The following RBBP4 variants were observed in gnomAD, a reference collection of about 807,000 sequenced individuals.
RBBP4 encodes the protein histone-binding protein RBBP4.
Under a neutral mutation model 57.2 loss-of-function variants are expected in RBBP4, and 3 were observed. The ratio of observed to expected loss-of-function variants is 0.05; its 90% CI spans 0.02 to 0.14. The LOEUF is 0.14. Among genes scored for constraint, RBBP4 ranks in the 10% least tolerant of loss-of-function variants. RBBP4 has a pLI of 1.00. For missense variants in RBBP4, 107 were observed against 520.6 expected, an observed-to-expected ratio of 0.21 and a Z score of 7.73; for synonymous variants, 151 against 171.5, an observed-to-expected ratio of 0.88 and a Z score of 0.93.
intron 2 of RBBP4, 146 bp downstream of exon 2, chr1:32,652,207 G>A (rs1647782720): frequency 1.1e-6 from 1 of 934,850 alleles, no homozygotes; most frequent in Non-Finnish European, 1.6e-6. Context: ...ACAAAGTAAG[G>A]CAAAATAACA....
intron 3 of RBBP4, among the ~76,000 whole-genome samples, chr1:32,663,264 G>A (rs1648500689): frequency 1.3e-5 from 2 of 152,038 alleles, no homozygotes; most frequent in South Asian, 2.1e-4. Flanking sequence ...AAGCTACGAC[G>A]ATTTGTGCAC....
At chr1:32,657,237 C>G (rs1648183845) in intron 2 of RBBP4, among the ~76,000 whole-genome samples, 190 bp from the exon 3 acceptor site, 1 of 152,140 alleles carries the variant, frequency 6.6e-6, no homozygotes, top group African/African-American at 2.4e-5. Context: ...GATCGCACCA[C>G]TCCATTCTAG....
chr1:32,651,518 G>A (rs996740113), intron 1 of RBBP4, 196 bp downstream of exon 1: 27 of 1,333,092 alleles, frequency 2.0e-5, no homozygotes, highest in Middle Eastern at 2.8e-4. Context: ...CGCAGCTGGC[G>A]AAGCCAGCGG....
intron 11 of RBBP4, among the ~76,000 whole-genome samples, chr1:32,675,453 A>C (rs1395975934): frequency 6.6e-6 from 1 of 151,766 alleles, no homozygotes; most frequent in Admixed American, 6.6e-5. Context: ...CACAACATTC[A>C]TACTTTGTAA....
intron 3 of RBBP4, among the ~76,000 whole-genome samples, chr1:32,664,750 C>T (rs936106045): frequency 2.0e-5 from 3 of 152,042 alleles, no homozygotes; most frequent in Non-Finnish European, 4.4e-5. Flanking sequence ...CGTGCCCAGC[C>T]ACTTTTTTGG....
chr1:32,667,142 C>G (rs1648688978), intron 3 of RBBP4, among the ~76,000 whole-genome samples: 1 of 152,226 alleles, frequency 6.6e-6, no homozygotes, highest in Non-Finnish European at 1.5e-5. Flanking sequence ...ATTATCCAGG[C>G]CTGCCCACAG....
At position 32,681,963 on chromosome 1, in the gene RBBP4, A is replaced by G; in HGVS notation, c.*2258A>G. ...GTTACAGTGTGATTTATGGATGATC[A>G]GGGATGACTTTCCCCTAGCAAATAT... On this transcript the variant is annotated 3_prime_UTR_variant, in exon 12 of 12. Coordinates refer to ENST00000373493, the MANE Select transcript of RBBP4 (RefSeq NM_005610.3). 1 of 1,052,914 alleles carries G rather than the reference A, an allele frequency of 9.5e-7. No homozygotes were observed. Among genetic ancestry groups the G allele is most frequent in the Non-Finnish European group, 1.5e-6 (1 of 689,160 alleles). The allele number at this position is 1,052,914 out of a possible 1,614,324, so 65.2% of individuals were successfully genotyped here.
rs965361639 is a variant in RBBP4 at position 32,682,504 on chromosome 1, G to A, written c.*2799G>A. ...TAGTTACTTGTGGGCCAGGCGCGGT[G>A]GTTCACGCCTGTAATCCCAGCACTT... On this transcript the variant is annotated 3_prime_UTR_variant, in exon 12 of 12. Transcript: ENST00000373493. 1.3e-5 allele frequency: 2 copies of A among 152,232 alleles called. No homozygotes were observed. Among genetic ancestry groups the A allele is most frequent in the Non-Finnish European group, 2.9e-5 (2 of 68,068 alleles). 9.4% of individuals were successfully genotyped at this position (152,232 alleles called of 1,614,324 possible).
chr1:32,661,760 CTG>C (rs1030298682), intron 3 of RBBP4, among the ~76,000 whole-genome samples: 34 of 143,614 alleles, frequency 2.4e-4, no homozygotes, highest in African/African-American at 8.7e-4. Context: ...AGGCATCTAT[CTG>C]TTTTGATTTG....
chr1:32,656,044 G>A (rs751223949), intron 2 of RBBP4, among the ~76,000 whole-genome samples: 12 of 152,122 alleles, frequency 7.9e-5, no homozygotes, highest in South Asian at 2.1e-4. Context: ...GCCTTAAGAC[G>A]GCATTCAGAA....
At chr1:32,663,272 C>T (rs1412596811) in intron 3 of RBBP4, among the ~76,000 whole-genome samples, 1 of 152,112 alleles carries the variant, frequency 6.6e-6, no homozygotes. Context: ...ACGATTTGTG[C>T]ACCTTTACTA....
chr1:32,661,573 C>T (rs557811266), intron 3 of RBBP4, among the ~76,000 whole-genome samples: 73 of 152,072 alleles, frequency 4.8e-4, no homozygotes, highest in Non-Finnish European at 7.9e-4. Context: ...GGATTACAGG[C>T]GTGACCACCA....
intron 11 of RBBP4, among the ~76,000 whole-genome samples, chr1:32,676,288 T>A (rs1368265408): frequency 6.6e-6 from 1 of 152,120 alleles, no homozygotes; most frequent in African/African-American, 2.4e-5. Context: ...ATTAAAATTT[T>A]GTGTATCTAG....
intron 2 of RBBP4, among the ~76,000 whole-genome samples, chr1:32,655,283 T>C (rs1648088516): frequency 6.6e-6 from 1 of 152,184 alleles, no homozygotes; most frequent in South Asian, 2.1e-4. Flanking sequence ...GGCCCTGTTT[T>C]TGTTTTTTAA....
Position 32,680,296 on chromosome 1 carries a change from T to C in RBBP4, c.*591T>C. 7.8e-7 allele frequency: 1 copy of C among 1,284,772 alleles called. No homozygotes were observed. The highest frequency in any genetic ancestry group is 3.0e-4 in the Middle Eastern group (1 of 3,328). 79.6% of individuals were successfully genotyped at this position (1,284,772 alleles called of 1,614,324 possible). Reference sequence around the variant, plus strand: ...TATTTTTGCTCGTTAGTGTATTTCTTGAGCTGTTTTCATGTTGTTTATTTC... The same window carrying C: ...TATTTTTGCTCGTTAGTGTATTTCTCGAGCTGTTTTCATGTTGTTTATTTC... On this transcript the variant is annotated 3_prime_UTR_variant, in exon 12 of 12. Transcript: ENST00000373493.
At chr1:32,677,841 C>A (rs1346757645) in intron 11 of RBBP4, among the ~76,000 whole-genome samples, 3 of 152,160 alleles carry the variant, frequency 2.0e-5, no homozygotes. Flanking sequence ...GAAGGTAAGA[C>A]TATCCTGTCC....
intron 1 of RBBP4, 161 bp downstream of exon 1, chr1:32,651,483 C>T (rs1391033656): frequency 6.6e-6 from 9 of 1,364,894 alleles, no homozygotes; most frequent in East Asian, 5.7e-5. Context: ...TAACGGCTCG[C>T]CAGTTCCCTG....
rs890025680 is a variant in RBBP4, at chr1:32,651,209, G to C, written c.-98G>C. On this transcript the variant is annotated 5_prime_UTR_variant, in exon 1 of 12. Coordinates refer to ENST00000373493, the MANE Select transcript of RBBP4 (RefSeq NM_005610.3). The stretch of plus-strand genomic sequence containing the variant: ...GTCAGCCCTCGCGCTGGGGGCGCAG[G>C]AAACAATAGAGGCCGCGCGCACAGA... 88 of 1,467,420 alleles carry C rather than the reference G, an allele frequency of 6.0e-5. No individual in the cohort carries two copies. The highest frequency in any genetic ancestry group is 7.8e-5 in the Non-Finnish European group (86 of 1,100,962). The allele number at this position is 1,467,420 out of a possible 1,614,324, so 90.9% of individuals were successfully genotyped here. A position where few individuals can be genotyped will look rare whatever the true frequency, so the allele number is the denominator to read the frequency against.
intron 3 of RBBP4, among the ~76,000 whole-genome samples, chr1:32,657,955 C>T (rs1389688458): frequency 1.3e-5 from 2 of 152,106 alleles, no homozygotes; most frequent in African/African-American, 4.8e-5. Context: ...CGGGTTCAAG[C>T]GATTCTTCTG....
Sources: allele counts gnomAD v4.1 joint callset (sites outside exome capture counted in the v4.1 genomes callset), GRCh38; gene constraint gnomAD v4.1.1; transcripts MANE v1.5; gene names NCBI Gene and HGNC (gene_info 2026-07-23, HGNC 2026-07-21).